Variants in ADAMTS12 observed in about 807,000 individuals in gnomAD.
ADAMTS12 encodes ADAM metallopeptidase with thrombospondin type 1 motif 12.
ADAMTS12 carries 118 observed loss-of-function variants against 167.8 expected under a neutral mutation model. That is an observed-to-expected ratio of 0.70 (90% CI 0.61 to 0.82). The LOEUF is 0.82. ADAMTS12 is among the 40% of genes least tolerant of loss of function. The pLI, the probability that ADAMTS12 is intolerant of heterozygous loss-of-function variation, is 0.00. For missense variants in ADAMTS12, 1,916 were observed against 1,998.8 expected (o/e 0.96, Z 0.79); for synonymous variants, 704 against 716.9 (o/e 0.98, Z 0.29).
intron 5 of ADAMTS12, among the ~76,000 whole-genome samples, chr5:33,672,325 TACAC>T (rs933982959): frequency 8.0e-6 from 1 of 125,488 alleles, no homozygotes; most frequent in Non-Finnish European, 1.7e-5. Context: ...CAGATCCACA[TACAC>T]ACACACATAC....
In ADAMTS12 at chr5:33,751,421, G is replaced by A. The variant is rs1394289309; in HGVS notation, c.617C>T (p.Pro206Leu). The A allele has an allele frequency of 1.2e-6, 2 of 1,614,176 alleles. No homozygotes were observed. The highest frequency in any genetic ancestry group is 3.3e-5 in the Admixed American group (2 of 60,022). Reference protein sequence around the residue: ...RRQKVPETKEPTCGLKDSVNI... With the variant: ...RRQKVPETKELTCGLKDSVNI... ...CACAATACCCTTTAATCCACAGGTT[G>A]GCTCCTTGGTTTCTGGAACTTTCTG... Residue 206 changes from proline (P) to leucine (L), a missense_variant, in exon 3 of 24, where the codon CCA (proline) becomes CTA (leucine). Transcript: ENST00000504830.
chr5:33,783,062 A>G (rs1746198758), intron 2 of ADAMTS12, among the ~76,000 whole-genome samples: 1 of 152,058 alleles, frequency 6.6e-6, no homozygotes, highest in Admixed American at 6.6e-5. Context: ...AGTTAAAATC[A>G]TGCCAAGTAA....
At chr5:33,871,890 GA>G (rs1462008311) in intron 2 of ADAMTS12, among the ~76,000 whole-genome samples, 1 of 151,948 alleles carries the variant, frequency 6.6e-6, no homozygotes, top group Non-Finnish European at 1.5e-5. Context: ...CATTATGTGA[GA>G]AATATTATAG....
At chr5:33,612,693 T>C (rs1561167616) in intron 16 of ADAMTS12, among the ~76,000 whole-genome samples, 1 of 152,176 alleles carries the variant, frequency 6.6e-6, no homozygotes, top group Non-Finnish European at 1.5e-5. Context: ...CACCCACTTA[T>C]TTTCTGCTTA....
chr5:33,644,559 T>C (rs1292648248), intron 9 of ADAMTS12, among the ~76,000 whole-genome samples: 4 of 152,216 alleles, frequency 2.6e-5, no homozygotes, highest in Non-Finnish European at 5.9e-5. Context: ...TGGTTCTTTT[T>C]TCTCATGTAC....
chr5:33,730,851 T>A (rs1238700683), intron 3 of ADAMTS12, among the ~76,000 whole-genome samples: 1 of 152,238 alleles, frequency 6.6e-6, no homozygotes, highest in Non-Finnish European at 1.5e-5. Context: ...AACCCAATTA[T>A]TGTCCTGAAG....
In ADAMTS12 at chr5:33,891,975, C is replaced by A. The variant is rs1750878031; in HGVS notation, c.-119G>T. On this transcript the variant is annotated 5_prime_UTR_variant, in exon 1 of 24. Transcript: ENST00000504830. The stretch of plus-strand genomic sequence containing the variant: ...GGGTGCATGGTCAGGCGCGAGAAGG[C>A]AGCGACTGCAAAGCTGCCCGCGATC... The A allele has an allele frequency of 2.3e-6, 3 of 1,322,800 alleles. No homozygotes were observed. Among genetic ancestry groups the A allele is most frequent in the South Asian group, 1.5e-5 (1 of 67,110 alleles). The allele number at this position is 1,322,800 out of a possible 1,614,324, so 81.9% of individuals were successfully genotyped here. A position where few individuals can be genotyped will look rare whatever the true frequency, so the allele number is the denominator to read the frequency against.
chr5:33,791,223 C>CTTT (rs1327031774), intron 2 of ADAMTS12, among the ~76,000 whole-genome samples: 6 of 152,142 alleles, frequency 3.9e-5, no homozygotes, highest in Non-Finnish European at 8.8e-5. Flanking sequence ...GATGTTCAGG[C>CTTT]TTAAAATATA....
chr5:33,627,146 G>A (rs1278060590), intron 13 of ADAMTS12, among the ~76,000 whole-genome samples: 2 of 149,690 alleles, frequency 1.3e-5, no homozygotes, highest in African/African-American at 4.9e-5. Flanking sequence ...GGTGGTGGTG[G>A]TGGTCGTGGT....
At chr5:33,534,226 T>C (rs887447828) in intron 23 of ADAMTS12, among the ~76,000 whole-genome samples, 7 of 152,050 alleles carry the variant, frequency 4.6e-5, no homozygotes, top group Non-Finnish European at 1.0e-4. Flanking sequence ...GTGGACAACT[T>C]GGGGGTATAA....
At chr5:33,636,756 T>G (rs1317419973) in intron 12 of ADAMTS12, among the ~76,000 whole-genome samples, 2 of 152,182 alleles carry the variant, frequency 1.3e-5, no homozygotes. Flanking sequence ...CAGGAAAATC[T>G]TTTCTGTTTC....
At chr5:33,659,113 C>T (rs548916268) in intron 6 of ADAMTS12, among the ~76,000 whole-genome samples, 22 of 152,252 alleles carry the variant, frequency 1.4e-4, no homozygotes, top group African/African-American at 5.1e-4. Context: ...CAGCAGCTAA[C>T]GGGGTTTGTG....
At chr5:33,716,058 G>C (rs1743602744) in intron 3 of ADAMTS12, among the ~76,000 whole-genome samples, 1 of 152,086 alleles carries the variant, frequency 6.6e-6, no homozygotes, top group African/African-American at 2.4e-5. Context: ...CTGAATTTTT[G>C]TGTCCTCACA....
intron 3 of ADAMTS12, among the ~76,000 whole-genome samples, chr5:33,700,578 G>A (rs1021308395): frequency 6.6e-6 from 1 of 152,166 alleles, no homozygotes; most frequent in East Asian, 1.9e-4. Context: ...ATCAACATGA[G>A]GAATCTTTGG....
chr5:33,812,588 GC>G (rs1226440382), intron 2 of ADAMTS12, among the ~76,000 whole-genome samples: 2 of 152,120 alleles, frequency 1.3e-5, no homozygotes, highest in Non-Finnish European at 2.9e-5. Flanking sequence ...GTTTTGCCTG[GC>G]TTTGGACTTC....
chr5:33,807,108 T>C (rs1386405670), intron 2 of ADAMTS12, among the ~76,000 whole-genome samples: 1 of 152,222 alleles, frequency 6.6e-6, no homozygotes, highest in African/African-American at 2.4e-5. Context: ...TAACCATTTT[T>C]CTCCTTTCTC....
intron 2 of ADAMTS12, among the ~76,000 whole-genome samples, chr5:33,870,392 T>C (rs1012311654): frequency 5.3e-5 from 8 of 152,178 alleles, no homozygotes; most frequent in Non-Finnish European, 1.5e-5. Flanking sequence ...CATAAGAAAT[T>C]ATAAAAGTAT....
chr5:33,779,522 T>C (rs1294432005), intron 2 of ADAMTS12, among the ~76,000 whole-genome samples: 2 of 152,164 alleles, frequency 1.3e-5, no homozygotes, highest in African/African-American at 2.4e-5. Context: ...TGAACTCCTA[T>C]GCTCATTGCA....
intron 2 of ADAMTS12, among the ~76,000 whole-genome samples, chr5:33,831,910 A>G (rs2591724): frequency 0.3 from 45,393 of 152,092 alleles, 8,883 homozygotes; most frequent in East Asian, 0.62. Flanking sequence ...CCTCTCAAGG[A>G]CTCCTGACGC....
Sources: allele counts gnomAD v4.1 joint callset (sites outside exome capture counted in the v4.1 genomes callset), GRCh38; gene constraint gnomAD v4.1.1; transcripts MANE v1.5; gene names NCBI Gene and HGNC (gene_info 2026-07-23, HGNC 2026-07-21).